The following RUBCN variants were observed in gnomAD, a reference collection of about 807,000 sequenced individuals.
RUBCN encodes run domain Beclin-1-interacting and cysteine-rich domain-containing protein.
In RUBCN, 74 loss-of-function variants were observed where a neutral mutation model predicts 113.2. The ratio of observed to expected loss-of-function variants is 0.65; its 90% confidence interval spans 0.54 to 0.79. The LOEUF is 0.79. Among genes scored for constraint, RUBCN ranks in the 30% least tolerant of loss-of-function variants. The pLI is 0.00. For missense variants in RUBCN, 1,109 were observed against 1,251.7 expected (o/e 0.89, Z 1.72); for synonymous variants, 480 against 490.0 (o/e 0.98, Z 0.27).
intron 1 of RUBCN, among the ~76,000 whole-genome samples, chr3:197,725,279 CAT>C (rs995934702): frequency 1.3e-5 from 2 of 151,834 alleles, no homozygotes; most frequent in African/African-American, 2.4e-5. Context: ...GAGACTATCA[CAT>C]GTGTGTTTAA....
At position 197,683,325 on chromosome 3, in the gene RUBCN, C is replaced by T. The variant is rs757611603; in HGVS notation, c.1962G>A (p.Glu654=). The change falls in exon 13 of 20, where the codon GAG becomes GAA. Residue 654 remains glutamate (E), a synonymous_variant. Transcript: ENST00000296343. The surrounding 1 kb of genome is among the most constrained non-coding windows in gnomAD (Gnocchi z 4.6). ...GACCTACCTTCTGAGGGGCATCATGCTCCGGGACAAGCCACTCCAGCTCCG... is the reference window on the plus strand; with the variant it reads ...GACCTACCTTCTGAGGGGCATCATGTTCCGGGACAAGCCACTCCAGCTCCG... ...AASELEWLVP[E]HDAPQKLLPI... is the part of the protein sequence containing the mutation. 1.9e-5 allele frequency: 31 copies of T among 1,614,050 alleles called. No homozygotes were observed. Among genetic ancestry groups the T allele is most frequent in the Non-Finnish European group, 2.5e-5 (30 of 1,180,034 alleles).
At chr3:197,682,370 A>T in intron 14 of RUBCN, 100 bp downstream of exon 14, 2 of 1,396,494 alleles carry the variant, frequency 1.4e-6, no homozygotes, top group South Asian at 1.2e-5. Context: ...ACGGTGTGGG[A>T]AGGACAGCTG....
At chr3:197,717,805 T>G (rs572335117) in intron 2 of RUBCN, among the ~76,000 whole-genome samples, 172 bp downstream of exon 2, 11 of 152,298 alleles carry the variant, frequency 7.2e-5, no homozygotes, top group African/African-American at 2.4e-4. Context: ...CATTAACATC[T>G]ATGGTCCATC....
intron 1 of RUBCN, among the ~76,000 whole-genome samples, chr3:197,724,651 G>C: frequency 6.6e-6 from 1 of 152,198 alleles, no homozygotes; most frequent in East Asian, 1.9e-4. Context: ...GAGGAAGAAA[G>C]ATGTGACATC....
chr3:197,722,880 C>G (rs963483305), intron 1 of RUBCN, among the ~76,000 whole-genome samples: 1 of 152,066 alleles, frequency 6.6e-6, no homozygotes, highest in Non-Finnish European at 1.5e-5. Flanking sequence ...AAGCAGCATA[C>G]GGTTGGGGCT....
chr3:197,685,080 A>G lies in RUBCN; in HGVS notation c.1787-863T>C, dbSNP rs1721690914. ...TGACCTCTGAGGCTAGCTATACAGG[A>G]AACTGTGGCAGACTTTCCATAGCCT... On this transcript the variant is annotated intron_variant, in intron 11 of 19. Coordinates refer to ENST00000296343, the MANE Select transcript of RUBCN (RefSeq NM_014687.4). 7.9e-5 allele frequency among the ~76,000 whole-genome samples: 12 copies of G among 152,346 alleles called. No homozygotes were observed. The South Asian group carries it at 2.5e-3, about 32-fold the overall frequency.
chr3:197,721,891 T>C (rs1054429065), intron 1 of RUBCN, among the ~76,000 whole-genome samples: 1 of 152,206 alleles, frequency 6.6e-6, no homozygotes, highest in African/African-American at 2.4e-5. Flanking sequence ...TTTGTATAGT[T>C]TCCTAAGTTG....
Position 197,675,189 on chromosome 3 carries a change from T to G in RUBCN, c.2748A>C (p.Lys916Asn), listed in dbSNP as rs1164136659. The change falls in exon 20 of 20, where the codon AAA (lysine) becomes AAC (asparagine). Residue 916 changes from lysine to asparagine, a missense_variant. Lys to Asn is a moderately conservative substitution (Grantham distance 94, BLOSUM62 0). Around this residue, in one of 3 missense-constraint regions of RUBCN, gnomAD observed 306 missense variants for 348.9 expected, o/e 0.88. Transcript: ENST00000296343. The surrounding 1 kb of genome is among the most constrained non-coding windows in gnomAD (Gnocchi z 4.4). The stretch of plus-strand genomic sequence containing the variant: ...TGAAGCAGGCTTTATGGTAACACGC[T>G]TTACACTCTACTCAGGTTGGGAAGG... ...LHKCRTCEECKACYHKACFKS... is the reference protein window; with the variant it reads ...LHKCRTCEECNACYHKACFKS... The G allele has an allele frequency of 6.2e-7, 1 of 1,613,990 alleles. No individual in the cohort carries two copies. Among genetic ancestry groups the G allele is most frequent in the Non-Finnish European group, 8.5e-7 (1 of 1,180,044 alleles).
intron 1 of RUBCN, among the ~76,000 whole-genome samples, chr3:197,745,857 T>G (rs1728722350): frequency 6.6e-6 from 1 of 152,056 alleles, no homozygotes; most frequent in Non-Finnish European, 1.5e-5. Context: ...GCCAACATAG[T>G]GAAATGCTGT....
At chr3:197,717,150 G>C (rs1346778889) in intron 2 of RUBCN, among the ~76,000 whole-genome samples, 3 of 151,408 alleles carry the variant, frequency 2.0e-5, no homozygotes, top group African/African-American at 7.3e-5. Flanking sequence ...AAAGGGGGCA[G>C]AGAGCTGGGT....
chr3:197,696,575 G>T (rs1723025565), intron 8 of RUBCN, among the ~76,000 whole-genome samples: 1 of 151,024 alleles, frequency 6.6e-6, no homozygotes, highest in Admixed American at 6.6e-5. Context: ...GGCAGAAAAG[G>T]ACACAAATGG....
In RUBCN at chr3:197,670,434, C is replaced by T. The variant is rs73891682; in HGVS notation, c.*4584G>A. On this transcript the variant is annotated 3_prime_UTR_variant, in exon 20 of 20. Coordinates refer to ENST00000296343, the MANE Select transcript of RUBCN (RefSeq NM_014687.4). ...TTGTGAATCAATGGTCCTTGTTTTC[C>T]TCTTCAACAGTCTTTCCAATTTTGG... Among the ~76,000 whole-genome samples, 4,918 of 152,278 alleles carry T rather than the reference C, an allele frequency of 0.032. 259 individuals are homozygous for T. Among genetic ancestry groups the T allele is most frequent in the African/African-American group, 0.11 (4,617 of 41,542 alleles).
chr3:197,718,132 T>G lies in RUBCN; in HGVS notation c.66-2A>C. On this transcript the variant is annotated splice_acceptor_variant, in intron 1 of 19. Transcript: ENST00000296343. LOFTEE classifies it high-confidence loss of function. ...CCCAGCAACTGCCAGTGCTCCCTCCTGCAAGGGCATCAGTTACACCAATCG... is the reference window on the plus strand; with the variant it reads ...CCCAGCAACTGCCAGTGCTCCCTCCGGCAAGGGCATCAGTTACACCAATCG... 6.2e-7 allele frequency: 1 copy of G among 1,614,206 alleles called. No individual in the cohort carries two copies. Among genetic ancestry groups the G allele is most frequent in the Non-Finnish European group, 8.5e-7 (1 of 1,180,022 alleles).
At chr3:197,731,599 A>T (rs1316680499) in intron 1 of RUBCN, among the ~76,000 whole-genome samples, 1 of 149,184 alleles carries the variant, frequency 6.7e-6, no homozygotes, top group Non-Finnish European at 1.5e-5. Flanking sequence ...CACCTCCCGG[A>T]TGGGGCGGCT....
chr3:197,703,397 CA>C (rs1165064210), intron 5 of RUBCN, 150 bp downstream of exon 5: 5,944 of 153,944 alleles, frequency 0.039, no homozygotes, highest in South Asian at 0.058. Flanking sequence ...GACTCTGTCT[CA>C]AAAAAAAAAA....
intron 2 of RUBCN, among the ~76,000 whole-genome samples, 155 bp downstream of exon 2, chr3:197,717,822 G>T (rs944449893): frequency 2.6e-5 from 4 of 152,076 alleles, no homozygotes; most frequent in African/African-American, 9.7e-5. Flanking sequence ...CATCAGACAC[G>T]ATGTGAAACG....
chr3:197,703,432 A>AAAAAAAAAAAAACCT, intron 5 of RUBCN, 116 bp downstream of exon 5: 1 of 435,374 alleles, frequency 2.3e-6, no homozygotes, highest in South Asian at 2.4e-5. Context: ...AAAAAAAAAA[A>AAAAAAAAAAAAACCT]TGCAAGCCTT....
chr3:197,713,766 G>A (rs772514481), intron 2 of RUBCN, among the ~76,000 whole-genome samples: 1 of 151,684 alleles, frequency 6.6e-6, no homozygotes, highest in Non-Finnish European at 1.5e-5. Flanking sequence ...AAGGGCATAC[G>A]GCAGAACTGC....
chr3:197,680,334 G>A (rs1282046330), intron 16 of RUBCN, among the ~76,000 whole-genome samples: 2 of 129,642 alleles, frequency 1.5e-5, no homozygotes, highest in Non-Finnish European at 3.2e-5. Context: ...TCTGACAACT[G>A]GCTCCAGACT....
Sources: allele counts gnomAD v4.1 joint callset (sites outside exome capture counted in the v4.1 genomes callset), GRCh38; gene constraint gnomAD v4.1.1; regional missense constraint gnomAD v4.1.1; non-coding constraint Gnocchi (gnomAD v3.1); transcripts MANE v1.5; gene names NCBI Gene and HGNC (gene_info 2026-07-23, HGNC 2026-07-21).